The following GRM1 variants were observed in gnomAD, a reference collection of about 807,000 sequenced individuals.
GRM1 encodes the protein metabotropic glutamate receptor 1.
A neutral mutation model predicts 90.9 loss-of-function variants in GRM1; 33 were observed. The observed-to-expected ratio is 0.36, with a 90% CI of 0.28 to 0.49. GRM1 has a LOEUF of 0.49. GRM1 is among the 20% of genes least tolerant of loss of function. GRM1 has a pLI of 0.99. For missense variants in GRM1, 1,190 were observed against 1,534.3 expected (o/e 0.78, Z 3.75); for synonymous variants, 700 against 613.2 (o/e 1.14, Z -2.09).
chr6:146,308,682 T>C (rs1020814544), intron 3 of GRM1, among the ~76,000 whole-genome samples: 2 of 152,154 alleles, frequency 1.3e-5, no homozygotes, highest in African/African-American at 4.8e-5. Context: ...TTGCATGCAC[T>C]TGGAAATATA....
At chr6:146,104,291 T>C (rs1190524606) in intron 1 of GRM1, among the ~76,000 whole-genome samples, 2 of 151,888 alleles carry the variant, frequency 1.3e-5, no homozygotes, top group Non-Finnish European at 2.9e-5. Flanking sequence ...ATACAAAAAA[T>C]TAGCCAGGCG....
chr6:146,383,519 T>G (rs1191898492), intron 5 of GRM1, among the ~76,000 whole-genome samples: 1 of 152,132 alleles, frequency 6.6e-6, no homozygotes, highest in East Asian at 1.9e-4. Flanking sequence ...TAATTTAAAT[T>G]TCTTATGCCT....
rs1333531877 is a variant in GRM1, at chr6:146,433,970, A to G, written c.2759A>G (p.Asn920Ser). Residue 920 changes from asparagine (N) to serine (S), a missense_variant, in exon 8 of 8, where the codon AAT (asparagine) becomes AGT (serine). Asn to Ser is a conservative substitution (Grantham distance 46). Transcript: ENST00000282753. ...CGCCTCTCTGTGCACGTGAAGACCA[A>G]TGAGACGGCCTGCAACCAAACAGCC... ...WHRLSVHVKT[N>S]ETACNQTAVI... The G allele has an allele frequency of 1.9e-6, 3 of 1,613,966 alleles. No homozygotes were observed. The highest frequency in any genetic ancestry group is 2.2e-5 in the East Asian group (1 of 44,880).
chr6:146,361,922 T>C (rs1033891490), intron 5 of GRM1, among the ~76,000 whole-genome samples: 8 of 152,166 alleles, frequency 5.3e-5, no homozygotes, highest in Admixed American at 3.9e-4. Flanking sequence ...ACTTTTAAAA[T>C]GCCGAGGGAA....
chr6:146,167,956 TC>T (rs1777969890), intron 2 of GRM1, among the ~76,000 whole-genome samples: 1 of 152,080 alleles, frequency 6.6e-6, no homozygotes, highest in South Asian at 2.1e-4. Flanking sequence ...ATATTTTACC[TC>T]CTCCAAGGTC....
At chr6:146,213,022 T>G (rs1441813265) in intron 2 of GRM1, among the ~76,000 whole-genome samples, 1 of 151,940 alleles carries the variant, frequency 6.6e-6, no homozygotes, top group Non-Finnish European at 1.5e-5. Flanking sequence ...AATTGTGCAT[T>G]CAATTTGGGG....
At chr6:146,271,194 TG>T (rs1258692005) in intron 2 of GRM1, among the ~76,000 whole-genome samples, 1 of 151,846 alleles carries the variant, frequency 6.6e-6, no homozygotes, top group Non-Finnish European at 1.5e-5. Flanking sequence ...TTAGTAGAGA[TG>T]AGGTTTCACT....
intron 1 of GRM1, among the ~76,000 whole-genome samples, chr6:146,047,396 A>G (rs1791372041): frequency 6.6e-6 from 1 of 151,856 alleles, no homozygotes; most frequent in Non-Finnish European, 1.5e-5. Flanking sequence ...GTCCATTTAC[A>G]TTTCCAGAGC....
intron 6 of GRM1, among the ~76,000 whole-genome samples, chr6:146,395,301 C>G (rs1776888209): frequency 6.6e-6 from 1 of 152,068 alleles, no homozygotes; most frequent in South Asian, 2.1e-4. Flanking sequence ...TCTAAGCCTA[C>G]CTACAGAGGG....
intron 5 of GRM1, among the ~76,000 whole-genome samples, chr6:146,383,802 G>T (rs1208113825): frequency 6.6e-6 from 1 of 152,080 alleles, no homozygotes; most frequent in Admixed American, 6.6e-5. Flanking sequence ...AGGAATATTT[G>T]ATCATTTTTA....
chr6:146,419,521 G>A (rs1777912281), intron 7 of GRM1, among the ~76,000 whole-genome samples: 1 of 152,170 alleles, frequency 6.6e-6, no homozygotes, highest in African/African-American at 2.4e-5. Context: ...GCACTATATG[G>A]AGGCTGAGTG....
At chr6:146,334,301 C>T (rs1156668530) in intron 3 of GRM1, among the ~76,000 whole-genome samples, 1 of 152,184 alleles carries the variant, frequency 6.6e-6, no homozygotes, top group African/African-American at 2.4e-5. Context: ...CTAGACCCAT[C>T]CTCTTCCAGT....
At chr6:146,119,144 G>A (rs900436918) in intron 1 of GRM1, among the ~76,000 whole-genome samples, 1 of 152,204 alleles carries the variant, frequency 6.6e-6, no homozygotes, top group Non-Finnish European at 1.5e-5. Flanking sequence ...TAACTGGTGT[G>A]AGATGGTATC....
intron 2 of GRM1, among the ~76,000 whole-genome samples, chr6:146,218,262 G>T (rs532272379): frequency 1.3e-5 from 2 of 152,268 alleles, no homozygotes; most frequent in South Asian, 2.1e-4. Context: ...GAGACTGTGA[G>T]ATCGAGAATA....
intron 2 of GRM1, among the ~76,000 whole-genome samples, chr6:146,164,693 C>T (rs140060398): frequency 1.9e-3 from 286 of 152,160 alleles, no homozygotes; most frequent in African/African-American, 4.7e-3. Flanking sequence ...GGTCCCTTGG[C>T]GGTACCTTAG....
intron 2 of GRM1, among the ~76,000 whole-genome samples, chr6:146,239,407 A>G (rs966226792): frequency 6.6e-6 from 1 of 152,174 alleles, no homozygotes; most frequent in Non-Finnish European, 1.5e-5. Flanking sequence ...CAATTGCCAT[A>G]TTACATTATA....
At chr6:146,253,298 A>G (rs1207605652) in intron 2 of GRM1, among the ~76,000 whole-genome samples, 1 of 152,148 alleles carries the variant, frequency 6.6e-6, no homozygotes, top group Non-Finnish European at 1.5e-5. Context: ...TGAGGACTGT[A>G]CTATAGGATG....
At chr6:146,045,034 A>G (rs1414382818) in intron 1 of GRM1, among the ~76,000 whole-genome samples, 4 of 151,902 alleles carry the variant, frequency 2.6e-5, no homozygotes. Context: ...GGACCGCAAT[A>G]TGGACAGAAC....
At chr6:146,104,011 G>A (rs1340196729) in intron 1 of GRM1, among the ~76,000 whole-genome samples, 2 of 152,162 alleles carry the variant, frequency 1.3e-5, no homozygotes, top group Non-Finnish European at 2.9e-5. Context: ...AAAGAGAATG[G>A]TTTGGGAGTT....
Sources: allele counts gnomAD v4.1 joint callset (sites outside exome capture counted in the v4.1 genomes callset), GRCh38; gene constraint gnomAD v4.1.1; transcripts MANE v1.5; gene names NCBI Gene and HGNC (gene_info 2026-07-23, HGNC 2026-07-21).